Variants in SNPH observed in about 807,000 individuals in gnomAD.
SNPH encodes syntaphilin.
A neutral mutation model predicts 36.8 loss-of-function variants in SNPH; 10 were observed. That is an observed-to-expected ratio of 0.27 (90% CI 0.17 to 0.46). The LOEUF is 0.46. SNPH is among the 20% of genes least tolerant of loss of function. The pLI, the probability that SNPH is intolerant of heterozygous loss-of-function variation, is 1.00. For synonymous variants in SNPH, 281 were observed against 312.2 expected, an observed-to-expected ratio of 0.90 and a Z score of 1.05; for missense variants, 622 against 744.0, an observed-to-expected ratio of 0.84 and a Z score of 1.91.
chr20:1,282,403 G>A (rs1448409195), intron 2 of SNPH, among the ~76,000 whole-genome samples: 1 of 152,194 alleles, frequency 6.6e-6, no homozygotes, highest in Non-Finnish European at 1.5e-5. Context: ...TAAAGGATAT[G>A]CCATATGGGC....
rs141691964 is a variant in SNPH at position 1,305,371 on chromosome 20, G to A, written c.934G>A (p.Val312Met). The stretch of plus-strand genomic sequence containing the variant: ...AGCCAGCAGCCTGCTGTCGTCGGGG[G>A]TGGACTGTGGCACCGAGGAGACCTC... ...LEASSLLSSG[V>M]DCGTEETSLH... is the part of the protein sequence containing the mutation. The change falls in exon 7 of 7, where the codon GTG (valine) becomes ATG (methionine). Residue 312 changes from valine to methionine, a missense_variant. Transcript: ENST00000381867. The A allele has an allele frequency of 3.8e-5, 62 of 1,612,532 alleles. No homozygotes were observed. The highest frequency in any genetic ancestry group is 5.2e-5 in the Non-Finnish European group (61 of 1,180,000).
chr20:1,284,271 C>A (rs79455830), intron 2 of SNPH, among the ~76,000 whole-genome samples: 7 of 152,116 alleles, frequency 4.6e-5, no homozygotes, highest in African/African-American at 1.2e-4. Context: ...TTCTTCCCCC[C>A]CTTTTGTTGA....
chr20:1,268,994 T>C (rs1274201675), intron 2 of SNPH, among the ~76,000 whole-genome samples: 1 of 152,064 alleles, frequency 6.6e-6, no homozygotes, highest in Admixed American at 6.6e-5. Flanking sequence ...GGGATCCAGA[T>C]GGTGCCAGCT....
At chr20:1,288,864 C>T (rs975014586) in intron 2 of SNPH, among the ~76,000 whole-genome samples, 9 of 152,080 alleles carry the variant, frequency 5.9e-5, no homozygotes, top group African/African-American at 1.2e-4. Context: ...TCAGGTGATC[C>T]GCCCACCTCG....
chr20:1,300,338 C>A (rs1454940190), intron 5 of SNPH, among the ~76,000 whole-genome samples: 3 of 152,190 alleles, frequency 2.0e-5, no homozygotes, highest in Non-Finnish European at 4.4e-5. Context: ...ACTAGAGGAG[C>A]CCTGAAGCCC....
intron 5 of SNPH, among the ~76,000 whole-genome samples, chr20:1,298,472 A>C (rs1236247784): frequency 6.6e-6 from 1 of 152,380 alleles, no homozygotes; most frequent in African/African-American, 2.4e-5. Flanking sequence ...TGCAGGACTC[A>C]TGCCCCAGCA....
In SNPH at chr20:1,305,359, C is replaced by A; in HGVS notation, c.922C>A (p.Leu308Met). Residue 308 changes from leucine (L) to methionine (M), a missense_variant, in exon 7 of 7, where the codon CTG becomes ATG. Physicochemically the swap from Leu to Met is conservative, Grantham distance 15 (BLOSUM62 2). Around this residue, in one of 3 missense-constraint regions of SNPH, gnomAD observed 379 missense variants for 427.9 expected, o/e 0.89. Coordinates refer to ENST00000381867, the MANE Select transcript of SNPH (RefSeq NM_001318234.2). ...GGACGCGCTGGAAGCCAGCAGCCTG[C>A]TGTCGTCGGGGGTGGACTGTGGCAC... ...RTDALEASSL[L>M]SSGVDCGTEE... 1 of 1,612,208 alleles carries A rather than the reference C, an allele frequency of 6.2e-7. No individual in the cohort carries two copies. The highest frequency in any genetic ancestry group is 8.5e-7 in the Non-Finnish European group (1 of 1,179,812).
rs2088613337 is a variant in SNPH at position 1,308,585 on chromosome 20, G to C, written c.*2531G>C. ...TGCTGCTCAGGTGCCATGCCCTGAA[G>C]AGGCAGGGTACACATGGGGCTGGGA... On this transcript the variant is annotated 3_prime_UTR_variant, in exon 7 of 7. Coordinates refer to ENST00000381867, the MANE Select transcript of SNPH (RefSeq NM_001318234.2). 1 of 152,646 alleles carries C rather than the reference G, an allele frequency of 6.6e-6. No individual in the cohort carries two copies. Among genetic ancestry groups the C allele is most frequent in the African/African-American group, 2.4e-5 (1 of 41,498 alleles). 9.5% of individuals were successfully genotyped at this position (152,646 alleles called of 1,614,324 possible).
At position 1,306,131 on chromosome 20, in the gene SNPH, T is replaced by C; in HGVS notation, c.*77T>C. On this transcript the variant is annotated 3_prime_UTR_variant, in exon 7 of 7. Transcript: ENST00000381867. ...TGCCGTTCCCCCCTCCCTTCTCCCA[T>C]GGGCATCATCTTATTTATTTAGTTT... is the stretch of plus-strand genomic sequence containing the variant. 1 of 1,152,438 alleles carries C rather than the reference T, an allele frequency of 8.7e-7. No homozygotes were observed. Among genetic ancestry groups the C allele is most frequent in the South Asian group, 1.8e-5 (1 of 54,166 alleles). 71.4% of individuals were successfully genotyped at this position (1,152,438 alleles called of 1,614,324 possible).
chr20:1,305,995 A>G lies in SNPH; in HGVS notation c.1558A>G (p.Ser520Gly). Residue 520 changes from serine (S) to glycine (G), a missense_variant, in exon 7 of 7, where the codon AGC (serine) becomes GGC (glycine). By Grantham distance (56) the Ser-to-Gly change is moderately conservative. This residue lies in a region of SNPH where 379 missense variants were observed against 427.9 expected (regional missense o/e 0.89). Coordinates refer to ENST00000381867, the MANE Select transcript of SNPH (RefSeq NM_001318234.2). ...GGCCTTGCACTCCATCCGCAGGATC[A>G]GCTGCCGCTCGCTGAGCCAGCCGAG... is the stretch of plus-strand genomic sequence containing the variant. ...TVALHSIRRI[S>G]CRSLSQPSPS... The G allele has an allele frequency of 6.5e-7, 1 of 1,534,722 alleles. No individual in the cohort carries two copies. The highest frequency in any genetic ancestry group is 8.8e-7 in the Non-Finnish European group (1 of 1,140,590).
chr20:1,284,433 C>T (rs6041121), intron 2 of SNPH, among the ~76,000 whole-genome samples: 103,122 of 152,050 alleles, frequency 0.68, 35,829 homozygotes, highest in Non-Finnish European at 0.77. Context: ...AATGGGCATC[C>T]ATCCTTACCT....
chr20:1,282,527 G>A (rs1325696173), intron 2 of SNPH, among the ~76,000 whole-genome samples: 1 of 152,166 alleles, frequency 6.6e-6, no homozygotes, highest in Non-Finnish European at 1.5e-5. Flanking sequence ...CTTAGAAAAA[G>A]GCCTGAGAAG....
At chr20:1,273,659 A>T (rs1254097748) in intron 2 of SNPH, among the ~76,000 whole-genome samples, 1 of 152,116 alleles carries the variant, frequency 6.6e-6, no homozygotes, top group African/African-American at 2.4e-5. Context: ...TAGAGGGTGG[A>T]TGGGAACTGA....
intron 4 of SNPH, 129 bp from the exon 5 acceptor site, chr20:1,297,016 C>G: frequency 7.0e-7 from 1 of 1,436,062 alleles, no homozygotes. Context: ...CTCTCTCTCC[C>G]TGCTTCTCTC....
chr20:1,288,690 C>T (rs1261518860), intron 2 of SNPH, among the ~76,000 whole-genome samples: 1 of 149,660 alleles, frequency 6.7e-6, no homozygotes, highest in Non-Finnish European at 1.5e-5. Flanking sequence ...GTCGTGATCT[C>T]GGCTGACTAC....
intron 2 of SNPH, among the ~76,000 whole-genome samples, chr20:1,291,923 G>C (rs566705731): frequency 1.3e-5 from 2 of 152,248 alleles, no homozygotes; most frequent in Non-Finnish European, 2.9e-5. Context: ...TTACATATGT[G>C]GAAACTGAGA....
rs2088541438 is a variant in SNPH, at chr20:1,304,476, C to T, written c.441-402C>T. ...ATTTCCTGCCTAGTTTTTGTTGTTT[C>T]ACATTAAGATTTTATTAGGTTTTTA... On this transcript the variant is annotated intron_variant, in intron 6 of 6. Transcript: ENST00000381867. The surrounding 1 kb of genome is among the most constrained non-coding windows in gnomAD (Gnocchi z 4.3). Among the ~76,000 whole-genome samples, 1 of 151,992 alleles carries T rather than the reference C, an allele frequency of 6.6e-6. No homozygotes were observed. The highest frequency in any genetic ancestry group is 2.4e-5 in the African/African-American group (1 of 41,348).
At chr20:1,302,588 T>TATCA (rs1209212909) in intron 6 of SNPH, among the ~76,000 whole-genome samples, 3 of 150,894 alleles carry the variant, frequency 2.0e-5, no homozygotes, top group Non-Finnish European at 4.4e-5. Context: ...TCAATATTTC[T>TATCA]ATCACCTCAA....
At chr20:1,275,127 CT>C (rs2088116633) in intron 2 of SNPH, among the ~76,000 whole-genome samples, 1 of 152,198 alleles carries the variant, frequency 6.6e-6, no homozygotes, top group African/African-American at 2.4e-5. Flanking sequence ...TTAAGCCACC[CT>C]GGGCCTTCTG....
Sources: allele counts gnomAD v4.1 joint callset (sites outside exome capture counted in the v4.1 genomes callset), GRCh38; gene constraint gnomAD v4.1.1; regional missense constraint gnomAD v4.1.1; non-coding constraint Gnocchi (gnomAD v3.1); transcripts MANE v1.5; gene names NCBI Gene and HGNC (gene_info 2026-07-23, HGNC 2026-07-21).